NEK7: variants seen among roughly 807,000 people sequenced by gnomAD.
The protein encoded by NEK7 is serine/threonine-protein kinase Nek7.
A neutral mutation model predicts 44.6 loss-of-function variants in NEK7; 18 were observed. That is an observed-to-expected ratio of 0.40 (90% CI 0.28 to 0.60). The LOEUF (loss-of-function observed/expected upper bound fraction) is 0.60. Ranked by LOEUF, NEK7 falls within the 20% of genes least tolerant of loss-of-function variation. The pLI, the probability that NEK7 is intolerant of heterozygous loss-of-function variation, is 0.38. For missense variants in NEK7, 256 were observed against 366.5 expected, an observed-to-expected ratio of 0.70 and a Z score of 2.46; for synonymous variants, 130 against 121.1, an observed-to-expected ratio of 1.07 and a Z score of -0.48.
chr1:198,203,872 T>C (rs1029303350), intron 1 of NEK7, among the ~76,000 whole-genome samples: 1 of 152,178 alleles, frequency 6.6e-6, no homozygotes, highest in South Asian at 2.1e-4. Flanking sequence ...CTTCCTTCCT[T>C]CCTTCCTGTT....
intron 1 of NEK7, among the ~76,000 whole-genome samples, chr1:198,227,335 G>A (rs965074369): frequency 6.6e-6 from 1 of 152,194 alleles, no homozygotes; most frequent in African/African-American, 2.4e-5. Context: ...ACATACGTGT[G>A]CATGTGTCTT....
intron 1 of NEK7, among the ~76,000 whole-genome samples, chr1:198,157,618 A>G (rs1044151272): frequency 2.0e-4 from 30 of 152,340 alleles, no homozygotes; most frequent in South Asian, 4.1e-4. Flanking sequence ...AACTTAAGCG[A>G]AGTCCCGCCT....
intron 1 of NEK7, among the ~76,000 whole-genome samples, chr1:198,200,992 T>C (rs1665415654): frequency 6.6e-6 from 1 of 152,248 alleles, no homozygotes; most frequent in African/African-American, 2.4e-5. Flanking sequence ...ATGGGTGCCC[T>C]CTCTGTGGAG....
At chr1:198,161,925 T>C (rs1004441905) in intron 1 of NEK7, among the ~76,000 whole-genome samples, 1 of 152,116 alleles carries the variant, frequency 6.6e-6, no homozygotes, top group Admixed American at 6.5e-5. Context: ...TTGTCTACTT[T>C]AGAGGGAATT....
intron 9 of NEK7, among the ~76,000 whole-genome samples, chr1:198,315,324 C>T (rs935592570): frequency 6.6e-6 from 1 of 152,200 alleles, no homozygotes; most frequent in Non-Finnish European, 1.5e-5. Flanking sequence ...CACTGACCTG[C>T]GCCCACTGTC....
At chr1:198,258,045 A>T (rs985639396) in intron 3 of NEK7, among the ~76,000 whole-genome samples, 1 of 152,212 alleles carries the variant, frequency 6.6e-6, no homozygotes, top group South Asian at 2.1e-4. Context: ...GGAGGAGAGC[A>T]TTTTAGATAG....
intron 1 of NEK7, among the ~76,000 whole-genome samples, chr1:198,215,149 C>CTACATA (rs1177660673): frequency 0.028 from 4,333 of 152,110 alleles, 199 homozygotes; most frequent in African/African-American, 0.099. Flanking sequence ...CAATACTAGA[C>CTACATA]CAGCCATACA....
rs1653686034 is a variant in NEK7 at position 198,267,347 on chromosome 1, A to T, written c.372+3112A>T. The stretch of plus-strand genomic sequence containing the variant: ...GTGGGGAAGTCAAATAAAATGCTAA[A>T]AGCAAGTAGAATATATGATATGCCA... On this transcript the variant is annotated intron_variant, in intron 5 of 9. Transcript: ENST00000367385. Among the ~76,000 whole-genome samples, 4 of 152,152 alleles carry T rather than the reference A, an allele frequency of 2.6e-5. No individual in the cohort carries two copies. The South Asian group carries it at 8.3e-4, about 32-fold the overall frequency.
chr1:198,174,717 A>G (rs1293039605), intron 1 of NEK7, among the ~76,000 whole-genome samples: 1 of 151,892 alleles, frequency 6.6e-6, no homozygotes, highest in Non-Finnish European at 1.5e-5. Flanking sequence ...AAGAGGAATA[A>G]TGGATAGGAA....
intron 9 of NEK7, among the ~76,000 whole-genome samples, chr1:198,315,159 C>T (rs1342933011): frequency 3.3e-5 from 5 of 152,182 alleles, no homozygotes; most frequent in African/African-American, 9.7e-5. Context: ...TTAAGCCCGT[C>T]GGAAAAGCGC....
intron 5 of NEK7, among the ~76,000 whole-genome samples, chr1:198,269,214 T>G (rs1447828273): frequency 6.6e-6 from 1 of 152,134 alleles, no homozygotes; most frequent in African/African-American, 2.4e-5. Flanking sequence ...TGAATAGATG[T>G]ATAGAAGTTG....
In NEK7 at chr1:198,321,189, A is replaced by C. The variant is rs1205607693; in HGVS notation, c.*1667A>C. 2 of 152,200 alleles carry C rather than the reference A, an allele frequency of 1.3e-5. No homozygotes were observed. Among genetic ancestry groups the C allele is most frequent in the East Asian group, 3.8e-4 (2 of 5,200 alleles). The allele number at this position is 152,200 out of a possible 1,614,324, so 9.4% of individuals were successfully genotyped here. The stretch of plus-strand genomic sequence containing the variant: ...CATTTGTAAACTTAAAAAATGTATA[A>C]AGGGCAAAAAGTCTGAACCCTTGTT... On this transcript the variant is annotated 3_prime_UTR_variant, in exon 10 of 10. Transcript: ENST00000367385.
intron 7 of NEK7, among the ~76,000 whole-genome samples, chr1:198,288,672 C>A (rs35308648): frequency 0.098 from 14,975 of 152,114 alleles, 1,040 homozygotes; most frequent in South Asian, 0.26. Flanking sequence ...TATAAAACTA[C>A]CTTATAATAG....
In NEK7 at chr1:198,253,055, G is replaced by A. The variant is rs148385729; in HGVS notation, c.73G>A (p.Asp25Asn). ...QFQPQKALRP[D>N]MGYNTLANFR... ...TTAATTACAGAAGGCCTTACGACCG[G>A]ATATGGGCTATAATACATTAGCCAA... Residue 25 changes from aspartate to asparagine, a missense_variant, in exon 3 of 10, where the codon GAT becomes AAT. This residue lies in a region of NEK7 where 96 missense variants were observed against 94.9 expected (regional missense o/e 1.01). Coordinates refer to ENST00000367385, the MANE Select transcript of NEK7 (RefSeq NM_133494.3). 12 of 1,609,364 alleles carry A rather than the reference G, an allele frequency of 7.5e-6. No individual in the cohort carries two copies. Among genetic ancestry groups the A allele is most frequent in the Non-Finnish European group, 1.0e-5 (12 of 1,177,572 alleles).
At chr1:198,257,068 A>G (rs970971976) in intron 3 of NEK7, among the ~76,000 whole-genome samples, 7 of 152,266 alleles carry the variant, frequency 4.6e-5, no homozygotes, top group African/African-American at 1.7e-4. Flanking sequence ...TTGTTCATTA[A>G]TGCTTAATTT....
rs190293084 is a variant in NEK7 at position 198,319,903 on chromosome 1, T to C, written c.*381T>C. The stretch of plus-strand genomic sequence containing the variant: ...ATACCTGAGAAAAAGTATCTGAACA[T>C]GTGACTTGTTTCTTTTTTAGTAATT... On this transcript the variant is annotated 3_prime_UTR_variant, in exon 10 of 10. Coordinates refer to ENST00000367385, the MANE Select transcript of NEK7 (RefSeq NM_133494.3). 5.8e-5 allele frequency: 9 copies of C among 155,952 alleles called. No individual in the cohort carries two copies. The East Asian group carries it at 1.7e-3, about 29-fold the overall frequency. 9.7% of individuals were successfully genotyped at this position (155,952 alleles called of 1,614,324 possible). A position where few individuals can be genotyped will look rare whatever the true frequency, so the allele number is the denominator to read the frequency against.
chr1:198,206,751 C>G (rs984088229), intron 1 of NEK7: 3 of 152,026 alleles, frequency 2.0e-5, no homozygotes, highest in South Asian at 2.1e-4. Context: ...ATAAATTATC[C>G]TATATCCAAA....
chr1:198,164,409 G>A (rs1338083845), intron 1 of NEK7, among the ~76,000 whole-genome samples: 4 of 152,130 alleles, frequency 2.6e-5, no homozygotes, highest in Non-Finnish European at 5.9e-5. Context: ...GCCTATTGTG[G>A]TCCAGGAAAC....
At chr1:198,204,136 T>C (rs556166897) in intron 1 of NEK7, among the ~76,000 whole-genome samples, 4 of 152,246 alleles carry the variant, frequency 2.6e-5, no homozygotes, top group South Asian at 4.1e-4. Context: ...GGCACGTGCC[T>C]GTGAGCCCAG....
Sources: allele counts gnomAD v4.1 joint callset (sites outside exome capture counted in the v4.1 genomes callset), GRCh38; gene constraint gnomAD v4.1.1; regional missense constraint gnomAD v4.1.1; transcripts MANE v1.5; gene names NCBI Gene and HGNC (gene_info 2026-07-23, HGNC 2026-07-21).